The following PJA2 variants were observed in gnomAD, a reference collection of about 807,000 sequenced individuals.
PJA2 encodes E3 ubiquitin-protein ligase Praja-2.
In PJA2, 25 loss-of-function variants were observed where a neutral mutation model predicts 69.3. That is an observed-to-expected ratio of 0.36 (90% CI 0.26 to 0.50). The LOEUF (loss-of-function observed/expected upper bound fraction) is 0.50. PJA2 is among the 20% of genes least tolerant of loss of function. The pLI is 0.96. For missense variants in PJA2, 809 were observed against 830.2 expected (o/e 0.97, Z 0.31); for synonymous variants, 308 against 277.8 (o/e 1.11, Z -1.08).
rs755537404 is a variant in PJA2 at position 109,362,841 on chromosome 5, T to C, written c.1651A>G (p.Ser551Gly). 1 of 1,600,994 alleles carries C rather than the reference T, an allele frequency of 6.2e-7. No individual in the cohort carries two copies. Among genetic ancestry groups the C allele is most frequent in the Non-Finnish European group, 8.5e-7 (1 of 1,169,994 alleles). ...SVSEDLDVDWSLFDGFADGLG... is the reference protein window; with the variant it reads ...SVSEDLDVDWGLFDGFADGLG... ...TCCTAATAAAATCGTGCTACATACC[T>C]CCAATCCACATCTAAGTCTTCACTC... The change falls in exon 6 of 10, where the codon AGC (serine) becomes GGC (glycine). Residue 551 changes from serine to glycine, a missense_variant and splice_region_variant. Ser to Gly is a moderately conservative substitution (Grantham distance 56, BLOSUM62 0). This residue lies in a region of PJA2 where 700 missense variants were observed against 639.5 expected (regional missense o/e 1.09). Coordinates refer to ENST00000361189, the MANE Select transcript of PJA2 (RefSeq NM_014819.5).
At chr5:109,374,566 C>G (rs1268780931) in intron 4 of PJA2, among the ~76,000 whole-genome samples, 1 of 152,170 alleles carries the variant, frequency 6.6e-6, no homozygotes, top group African/African-American at 2.4e-5. Flanking sequence ...AACAGGGCAC[C>G]TGGAACAAAG....
chr5:109,382,630 T>C (rs1747077000), intron 2 of PJA2, among the ~76,000 whole-genome samples: 1 of 152,148 alleles, frequency 6.6e-6, no homozygotes, highest in African/African-American at 2.4e-5. Context: ...GTCGGATCAC[T>C]TGAGGCCAGG....
intron 9 of PJA2, among the ~76,000 whole-genome samples, chr5:109,340,895 A>G (rs376830455): frequency 0.14 from 8,970 of 63,046 alleles, 659 homozygotes; most frequent in Middle Eastern, 0.24. Flanking sequence ...GCCAACCTCG[A>G]CCTCCCGAGG....
intron 1 of PJA2, among the ~76,000 whole-genome samples, chr5:109,384,107 A>G (rs1268302201): frequency 6.6e-6 from 1 of 152,226 alleles, no homozygotes; most frequent in Non-Finnish European, 1.5e-5. Context: ...TTGTAAGTAA[A>G]CAAACAAAAA....
intron 7 of PJA2, among the ~76,000 whole-genome samples, chr5:109,347,120 T>C (rs1006572695): frequency 1.3e-5 from 2 of 152,194 alleles, no homozygotes; most frequent in African/African-American, 2.4e-5. Flanking sequence ...TTAATAAACA[T>C]AGTTAATATT....
At chr5:109,346,334 G>C (rs77741276) in intron 7 of PJA2, among the ~76,000 whole-genome samples, 4,729 of 152,250 alleles carry the variant, frequency 0.031, 97 homozygotes, top group Middle Eastern at 0.048. Context: ...ACAGCTGCTA[G>C]AGAAAACAGC....
chr5:109,354,093 T>TAG, intron 7 of PJA2, among the ~76,000 whole-genome samples: 1 of 97,710 alleles, frequency 1.0e-5, no homozygotes, highest in Non-Finnish European at 2.2e-5. Flanking sequence ...GATATCTATA[T>TAG]CTAGAGATAT....
At chr5:109,340,305 T>C (rs1370031076) in intron 9 of PJA2, among the ~76,000 whole-genome samples, 1 of 151,954 alleles carries the variant, frequency 6.6e-6, no homozygotes, top group Admixed American at 6.5e-5. Flanking sequence ...ATTTCTAAAC[T>C]GGATTTCAGA....
Position 109,355,920 on chromosome 5 carries a change from T to C in PJA2, c.1759A>G (p.Met587Val). 2.5e-6 allele frequency: 4 copies of C among 1,610,660 alleles called. No individual in the cohort carries two copies. The highest frequency in any genetic ancestry group is 1.3e-5 in the African/African-American group (1 of 74,836). Residue 587 changes from methionine (M) to valine (V), a missense_variant, in exon 7 of 10, where the codon ATG becomes GTG. Physicochemically the swap from Met to Val is conservative, Grantham distance 21 (BLOSUM62 1). This residue lies in a region of PJA2 where 55 missense variants were observed against 90.7 expected (regional missense o/e 0.61). Transcript: ENST00000361189. ...MALEERLAQA[M>V]ETALAHLESL... Reference sequence around the variant, plus strand: ...GATCAGAGTTATGAACATACCTCCATAGCCTGGGCTAAGCGTTCTTCTAGT... The same window carrying C: ...GATCAGAGTTATGAACATACCTCCACAGCCTGGGCTAAGCGTTCTTCTAGT...
intron 9 of PJA2, among the ~76,000 whole-genome samples, chr5:109,340,855 C>G (rs1042135813): frequency 9.8e-6 from 1 of 101,640 alleles, no homozygotes; most frequent in African/African-American, 3.1e-5. Context: ...TTGGCCGGGC[C>G]GGTCTCCAGC....
intron 7 of PJA2, among the ~76,000 whole-genome samples, chr5:109,352,237 C>A (rs1486500167): frequency 2.0e-5 from 3 of 152,162 alleles, no homozygotes; most frequent in African/African-American, 7.2e-5. Context: ...CCTCTCAAGA[C>A]CAGTCTCTCT....
intron 5 of PJA2, among the ~76,000 whole-genome samples, chr5:109,367,253 T>C (rs1582604034): frequency 1.3e-5 from 2 of 150,954 alleles, no homozygotes; most frequent in East Asian, 1.9e-4. Flanking sequence ...ACCAATTATG[T>C]TTGTGAATTT....
intron 7 of PJA2, among the ~76,000 whole-genome samples, chr5:109,347,544 G>A (rs1040031312): frequency 3.9e-5 from 6 of 152,216 alleles, no homozygotes; most frequent in Non-Finnish European, 1.5e-5. Flanking sequence ...CTCATCTTAG[G>A]TGGTTCTGCA....
chr5:109,404,936 G>T (rs1747648516), intron 1 of PJA2, among the ~76,000 whole-genome samples: 1 of 152,182 alleles, frequency 6.6e-6, no homozygotes, highest in Non-Finnish European at 1.5e-5. Flanking sequence ...CATAATGGAG[G>T]TCTTAGCCAG....
At chr5:109,361,674 C>T (rs571569900) in intron 6 of PJA2, among the ~76,000 whole-genome samples, 26 of 152,286 alleles carry the variant, frequency 1.7e-4, no homozygotes, top group Non-Finnish European at 2.8e-4. Flanking sequence ...CTAGGTAAAG[C>T]CACTTATTCT....
At chr5:109,379,495 T>C (rs1317268295) in intron 3 of PJA2, among the ~76,000 whole-genome samples, 1 of 152,214 alleles carries the variant, frequency 6.6e-6, no homozygotes, top group Non-Finnish European at 1.5e-5. Context: ...GGCAGTTTTC[T>C]ATCTAAATCC....
Position 109,360,433 on chromosome 5 carries a change from G to C in PJA2, c.1652+2407C>G, listed in dbSNP as rs115603458. ...TTAAACTAAATTAAGGAACCAAAAG[G>C]CTTCACTTTTTTCTAAGCAGTGGCA... is the stretch of plus-strand genomic sequence containing the variant. On this transcript the variant is annotated intron_variant, in intron 6 of 9. Coordinates refer to ENST00000361189, the MANE Select transcript of PJA2 (RefSeq NM_014819.5). 6.5e-3 allele frequency among the ~76,000 whole-genome samples: 989 copies of C among 152,056 alleles called. 9 individuals are homozygous for C. Among genetic ancestry groups the C allele is most frequent in the African/African-American group, 0.022 (931 of 41,474 alleles).
intron 1 of PJA2, among the ~76,000 whole-genome samples, chr5:109,401,547 T>C (rs187908761): frequency 6.6e-6 from 1 of 152,068 alleles, no homozygotes; most frequent in Non-Finnish European, 1.5e-5. Context: ...TAAATAAGAA[T>C]CACAGCCAAA....
intron 2 of PJA2, among the ~76,000 whole-genome samples, chr5:109,382,955 CAT>C (rs1233060983): frequency 1.3e-5 from 2 of 151,596 alleles, no homozygotes; most frequent in Non-Finnish European, 2.9e-5. Flanking sequence ...CAGAAACAAA[CAT>C]GTATTTATAA....
Sources: gnomAD v4.1 joint callset for allele counts (sites outside exome capture counted in the v4.1 genomes callset) on GRCh38, gnomAD v4.1.1 for gene constraint, gnomAD v4.1.1 regional missense constraint, MANE v1.5 for transcripts, NCBI Gene and HGNC (gene_info 2026-07-23, HGNC 2026-07-21) for gene names.